Variants in KAZN observed in about 807,000 individuals in gnomAD.
KAZN encodes the protein kazrin, periplakin interacting protein, also known as kazrin.
In KAZN, 40 loss-of-function variants were observed where a neutral mutation model predicts 87.4. The observed-to-expected ratio is 0.46, with a 90% CI of 0.36 to 0.60. The LOEUF (loss-of-function observed/expected upper bound fraction) is 0.60, where lower values mean the gene tolerates loss of function less well. Ranked by LOEUF, KAZN falls within the 20% of genes least tolerant of loss-of-function variation. The pLI is 0.00. For missense variants in KAZN, 898 were observed against 1,073.9 expected (o/e 0.84, Z 2.29); for synonymous variants, 466 against 458.3 (o/e 1.02, Z -0.22).
intron 1 of KAZN, among the ~76,000 whole-genome samples, chr1:14,048,984 C>G (rs1325585268): frequency 6.6e-6 from 1 of 152,182 alleles, no homozygotes; most frequent in Non-Finnish European, 1.5e-5. Context: ...GAGATGGTAT[C>G]TCACTGTGCT....
At chr1:15,111,498 G>A (rs765335866) in intron 13 of KAZN, among the ~76,000 whole-genome samples, 1 of 152,064 alleles carries the variant, frequency 6.6e-6, no homozygotes, top group Non-Finnish European at 1.5e-5. Context: ...GGCTGGTCTC[G>A]AACTCCTGGC....
rs1469567321 is a variant in KAZN, at chr1:15,114,787, G to A, written c.*152G>A. 2 of 694,032 alleles carry A rather than the reference G, an allele frequency of 2.9e-6. No individual in the cohort carries two copies. Among genetic ancestry groups the A allele is most frequent in the South Asian group, 4.3e-5 (2 of 46,760 alleles). 43.0% of individuals were successfully genotyped at this position (694,032 alleles called of 1,614,324 possible). ...AATCCCGATGGACTCTGCGGTTTCA[G>A]CTCCACAGCGCCCAGGAGAGAGAAG... On this transcript the variant is annotated 3_prime_UTR_variant, in exon 15 of 15. Transcript: ENST00000376030.
chr1:14,868,180 A>G (rs1572689274), intron 1 of KAZN, among the ~76,000 whole-genome samples: 1 of 151,870 alleles, frequency 6.6e-6, no homozygotes, highest in East Asian at 1.9e-4. Flanking sequence ...TCGCATAGGC[A>G]GGCATCAAAT....
intron 1 of KAZN, among the ~76,000 whole-genome samples, chr1:13,951,095 G>A (rs1284879506): frequency 6.6e-6 from 1 of 152,152 alleles, no homozygotes; most frequent in Admixed American, 6.5e-5. Flanking sequence ...GGAATTTGCA[G>A]GCGATACCAT....
At chr1:14,255,336 C>T (rs559712506) in intron 2 of KAZN, among the ~76,000 whole-genome samples, 1 of 152,210 alleles carries the variant, frequency 6.6e-6, no homozygotes, top group African/African-American at 2.4e-5. Context: ...CTACCTCCCT[C>T]ATTGGGGATT....
At chr1:14,711,287 A>T (rs1642471999) in intron 1 of KAZN, among the ~76,000 whole-genome samples, 1 of 151,994 alleles carries the variant, frequency 6.6e-6, no homozygotes, top group Non-Finnish European at 1.5e-5. Flanking sequence ...CAGCAGGATC[A>T]CTTGAGTCCA....
At chr1:14,968,489 T>C (rs1322889267) in intron 2 of KAZN, among the ~76,000 whole-genome samples, 1 of 152,218 alleles carries the variant, frequency 6.6e-6, no homozygotes, top group Non-Finnish European at 1.5e-5. Flanking sequence ...TTGTGTCACT[T>C]TGTTACAACA....
intron 2 of KAZN, among the ~76,000 whole-genome samples, chr1:14,504,645 A>C (rs1670453889): frequency 1.3e-5 from 2 of 152,196 alleles, no homozygotes; most frequent in African/African-American, 4.8e-5. Context: ...GGGCTTCATC[A>C]GGTAAGTTGC....
intron 1 of KAZN, among the ~76,000 whole-genome samples, chr1:14,956,622 T>C (rs936930192): frequency 6.7e-6 from 1 of 149,980 alleles, no homozygotes; most frequent in Non-Finnish European, 1.5e-5. Context: ...AAAAAAAAAA[T>C]TAAACAAAAA....
At chr1:14,815,451 G>A (rs1646534483) in intron 1 of KAZN, among the ~76,000 whole-genome samples, 1 of 152,142 alleles carries the variant, frequency 6.6e-6, no homozygotes, top group African/African-American at 2.4e-5. Flanking sequence ...TAACGTTAAT[G>A]ATAATCTTCC....
chr1:14,565,354 C>T (rs756672968), intron 2 of KAZN, among the ~76,000 whole-genome samples: 1 of 151,778 alleles, frequency 6.6e-6, no homozygotes, highest in South Asian at 2.1e-4. Flanking sequence ...TGTGCAATCG[C>T]GTATGTCTAA....
chr1:14,117,342 T>G (rs1019289286), intron 1 of KAZN, among the ~76,000 whole-genome samples: 28 of 152,164 alleles, frequency 1.8e-4, no homozygotes, highest in African/African-American at 6.8e-4. Flanking sequence ...TGAATAAGTC[T>G]CATGGGAACT....
chr1:13,917,727 G>A (rs1344174400), intron 1 of KAZN, among the ~76,000 whole-genome samples: 3 of 149,152 alleles, frequency 2.0e-5, no homozygotes, highest in Non-Finnish European at 3.0e-5. Context: ...GGCCCAGAAG[G>A]TTGAGGCTAC....
intron 1 of KAZN, among the ~76,000 whole-genome samples, chr1:14,601,080 T>C (rs1377750883): frequency 6.6e-6 from 1 of 152,196 alleles, no homozygotes; most frequent in Non-Finnish European, 1.5e-5. Context: ...TTGGATATCC[T>C]TAAAAACACA....
At chr1:14,829,462 CG>C (rs1646992469) in intron 1 of KAZN, among the ~76,000 whole-genome samples, 1 of 152,052 alleles carries the variant, frequency 6.6e-6, no homozygotes, top group Admixed American at 6.5e-5. Context: ...CCCAGCTACT[CG>C]GGAGGCTGAG....
chr1:14,632,659 A>G lies in KAZN; in HGVS notation c.226+33436A>G, dbSNP rs1446697130. ...ACAGGTAATCATCTCCTTTCTTCCA[A>G]ATGAACTTGCACTGTTCTCAGCTAG... is the stretch of plus-strand genomic sequence containing the variant. On this transcript the variant is annotated intron_variant, in intron 1 of 14. Transcript: ENST00000376030. Among the ~76,000 whole-genome samples, 83 of 151,726 alleles carry G rather than the reference A, an allele frequency of 5.5e-4. 1 individual carries two copies. Among genetic ancestry groups the G allele is most frequent in the African/African-American group, 2.4e-5 (1 of 41,300 alleles).
At chr1:15,026,368 G>A (rs1671160903) in intron 2 of KAZN, among the ~76,000 whole-genome samples, 1 of 152,226 alleles carries the variant, frequency 6.6e-6, no homozygotes, top group African/African-American at 2.4e-5. Flanking sequence ...GAAGCTCAGA[G>A]AAGTTGCATG....
chr1:14,799,124 T>C (rs1011867600), intron 1 of KAZN, among the ~76,000 whole-genome samples: 27 of 152,190 alleles, frequency 1.8e-4, no homozygotes, highest in Non-Finnish European at 1.5e-4. Context: ...CAGTAAGACA[T>C]GTGTTCGTTA....
chr1:15,099,565 G>A lies in KAZN; in HGVS notation c.1548-1978G>A, dbSNP rs1289028730. Among the ~76,000 whole-genome samples, 2 of 152,242 alleles carry A rather than the reference G, an allele frequency of 1.3e-5. No homozygotes were observed. Among genetic ancestry groups the A allele is most frequent in the East Asian group, 3.9e-4 (2 of 5,166 alleles). ...AGGGGAATGGGGGGTGAAGAGCTCA[G>A]TGCCTCCAGGAAACGGCCCCCAGGA... On this transcript the variant is annotated intron_variant, in intron 10 of 14. Coordinates refer to ENST00000376030, the MANE Select transcript of KAZN (RefSeq NM_201628.3). This position sits in a 1 kb window ranked among gnomAD's most constrained non-coding sequence, Gnocchi z 5.4.
Sources: allele counts gnomAD v4.1 joint callset (sites outside exome capture counted in the v4.1 genomes callset), GRCh38; gene constraint gnomAD v4.1.1; non-coding constraint Gnocchi (gnomAD v3.1); transcripts MANE v1.5; gene names NCBI Gene and HGNC (gene_info 2026-07-23, HGNC 2026-07-21).